SLC14A2: variants seen among roughly 807,000 people sequenced by gnomAD.
SLC14A2 encodes urea transporter 2.
Under a neutral mutation model 104.6 loss-of-function variants are expected in SLC14A2, and 91 were observed. That is an observed-to-expected ratio of 0.87 (90% CI 0.73 to 1.04). SLC14A2 has a LOEUF of 1.04. Ranked by LOEUF, SLC14A2 falls within the 50% of genes least tolerant of loss-of-function variation. The pLI, the probability that SLC14A2 is intolerant of heterozygous loss-of-function variation, is 0.00. For missense variants in SLC14A2, 1,189 were observed against 1,156.0 expected, an observed-to-expected ratio of 1.03 and a Z score of -0.41; for synonymous variants, 476 against 466.4, an observed-to-expected ratio of 1.02 and a Z score of -0.27.
chr18:45,473,319 C>T (rs555317462), intron 1 of SLC14A2, among the ~76,000 whole-genome samples: 26 of 152,304 alleles, frequency 1.7e-4, no homozygotes, highest in Non-Finnish European at 3.2e-4. Flanking sequence ...ATCATGCCTC[C>T]GGCTTTGTTC....
At chr18:45,397,256 G>T (rs1033647210) in intron 1 of SLC14A2, among the ~76,000 whole-genome samples, 12 of 152,122 alleles carry the variant, frequency 7.9e-5, no homozygotes, top group Admixed American at 2.0e-4. Flanking sequence ...TTCCACAATG[G>T]TTGAAGTAAT....
intron 2 of SLC14A2, among the ~76,000 whole-genome samples, chr18:45,593,875 G>C (rs1292978910): frequency 6.6e-6 from 1 of 152,156 alleles, no homozygotes; most frequent in Admixed American, 6.5e-5. Context: ...TTCGAGCTAA[G>C]TAAAAAATAT....
chr18:45,415,140 A>C (rs568560203), intron 1 of SLC14A2, among the ~76,000 whole-genome samples: 7 of 152,206 alleles, frequency 4.6e-5, no homozygotes, highest in African/African-American at 1.4e-4. Flanking sequence ...TGTAGCTACC[A>C]AAAATTTCTT....
chr18:45,190,123 G>T, the SLC14A2 span, among the ~76,000 whole-genome samples: 3 of 152,174 alleles, frequency 2.0e-5, no homozygotes, highest in African/African-American at 7.2e-5. Context: ...CACATTCTCT[G>T]TTTAGCAGAA....
intron 1 of SLC14A2, among the ~76,000 whole-genome samples, chr18:45,224,029 C>T (rs987083417): frequency 6.6e-6 from 1 of 152,204 alleles, no homozygotes; most frequent in Non-Finnish European, 1.5e-5. Flanking sequence ...AGCATGTTTT[C>T]ATCTGGCCTC....
chr18:45,253,042 T>C (rs1350985643), intron 1 of SLC14A2, among the ~76,000 whole-genome samples: 1 of 152,204 alleles, frequency 6.6e-6, no homozygotes, highest in Non-Finnish European at 1.5e-5. Flanking sequence ...AAAGGCTGCA[T>C]CCATCCACCC....
intron 2 of SLC14A2, among the ~76,000 whole-genome samples, chr18:45,490,920 T>G (rs1288918431): frequency 1.3e-5 from 2 of 152,166 alleles, no homozygotes; most frequent in Non-Finnish European, 2.9e-5. Flanking sequence ...AGCAAATAGA[T>G]AGCATTTCAC....
chr18:45,173,326 A>AC, the SLC14A2 span, among the ~76,000 whole-genome samples: 1 of 152,160 alleles, frequency 6.6e-6, no homozygotes, highest in Non-Finnish European at 1.5e-5. Context: ...AACATGAATG[A>AC]GACATCATAT....
rs529836610 is a variant in SLC14A2, at chr18:45,297,883, C to T, written c.-125+84692C>T. On this transcript the variant is annotated intron_variant, in intron 1 of 20. Transcript: ENST00000586448. ...TGGTTTGGCTGCTGGGTATGGGCAT[C>T]ACTCTGAAGGAGAGACTTTACAATC... Among the ~76,000 whole-genome samples, 13 of 152,272 alleles carry T rather than the reference C, an allele frequency of 8.5e-5. No individual in the cohort carries two copies. The South Asian group carries it at 2.5e-3, about 29-fold the overall frequency.
intron 1 of SLC14A2, among the ~76,000 whole-genome samples, chr18:45,475,621 TATATATATATATATATTTAGG>T (rs1470085304): frequency 2.4e-4 from 23 of 95,384 alleles, no homozygotes; most frequent in African/African-American, 2.7e-4. Context: ...ATATTTAGGA[TATATATATATATATATTTAGG>T]ATATATATAT....
At chr18:45,182,645 T>C in the SLC14A2 span, among the ~76,000 whole-genome samples, 1 of 151,900 alleles carries the variant, frequency 6.6e-6, no homozygotes, top group Admixed American at 6.6e-5. Flanking sequence ...GAAACTATTA[T>C]AAAAAACAAG....
intron 2 of SLC14A2, among the ~76,000 whole-genome samples, chr18:45,495,459 A>G (rs1212681907): frequency 6.6e-6 from 1 of 152,202 alleles, no homozygotes; most frequent in African/African-American, 2.4e-5. Flanking sequence ...GTAGACCTCA[A>G]AATGCCACCC....
intron 10 of SLC14A2, among the ~76,000 whole-genome samples, chr18:45,650,313 G>A (rs895924908): frequency 1.9e-4 from 29 of 152,038 alleles, no homozygotes; most frequent in African/African-American, 7.0e-4. Context: ...AGATCCATGT[G>A]TGTTTATGAT....
In SLC14A2 at chr18:45,250,755, C is replaced by CTTTTTTTTTTTTTTTTTTTTTTTT. The variant is rs67864793; in HGVS notation, c.-125+37585_-125+37586insTTTTTTTTTTTTTTTTTTTTTTTT. Among the ~76,000 whole-genome samples, 6 of 93,888 alleles carry CTTTTTTTTTTTTTTTTTTTTTTTT rather than the reference C, an allele frequency of 6.4e-5. 1 individual carries two copies. Among genetic ancestry groups the CTTTTTTTTTTTTTTTTTTTTTTTT allele is most frequent in the African/African-American group, 2.2e-4 (5 of 22,936 alleles). 61.6% of individuals were successfully genotyped at this position (93,888 alleles called of 152,430 possible). A position where few individuals can be genotyped will look rare whatever the true frequency, so the allele number is the denominator to read the frequency against. On this transcript the variant is annotated intron_variant, in intron 1 of 20. Coordinates refer to the SLC14A2 transcript ENST00000586448. ...GAATCCTCTGGCTAGTGGCTTCTTC[C>CTTTTTTTTTTTTTTTTTTTTTTTT]TTTTTTTTTTTTTTTTTTTTTGGCT...
chr18:45,647,891 C>T (rs190925066), intron 10 of SLC14A2: 110 of 151,724 alleles, frequency 7.3e-4, no homozygotes, highest in African/African-American at 2.5e-3. Flanking sequence ...TTGTCAAGTA[C>T]CTGATTGATT....
intron 1 of SLC14A2, among the ~76,000 whole-genome samples, chr18:45,221,028 C>T (rs2084056732): frequency 6.6e-6 from 1 of 152,158 alleles, no homozygotes; most frequent in African/African-American, 2.4e-5. Context: ...AGTCTCATTT[C>T]AATTGAATCA....
At chr18:45,592,704 GC>G (rs1445733244) in intron 2 of SLC14A2, among the ~76,000 whole-genome samples, 9 of 152,216 alleles carry the variant, frequency 5.9e-5, no homozygotes, top group Non-Finnish European at 1.3e-4. Flanking sequence ...GTTCTGTCTG[GC>G]TGTCTCTGGC....
rs191191402 is a variant in SLC14A2 at position 45,425,147 on chromosome 18, A to G, written c.-124-58086A>G. Among the ~76,000 whole-genome samples, 416 of 152,324 alleles carry G rather than the reference A, an allele frequency of 2.7e-3. 3 individuals carry two copies. The highest frequency in any genetic ancestry group is 9.5e-3 in the African/African-American group (396 of 41,570). On this transcript the variant is annotated intron_variant, in intron 1 of 20. Transcript: ENST00000586448. ...TTTCAAGGCACGAATAAAAGTTTTCATAAGAAGCTTCTAAATATGCCATGG... is the reference window on the plus strand; with the variant it reads ...TTTCAAGGCACGAATAAAAGTTTTCGTAAGAAGCTTCTAAATATGCCATGG...
In SLC14A2 at chr18:45,458,192, G is replaced by A. The variant is rs577901556; in HGVS notation, c.-124-25041G>A. ...CCTGCCATCTGCAGCCCCTAGAGTG[G>A]AGCCAACAAAAGCTGGGCAGCACAA... On this transcript the variant is annotated intron_variant, in intron 1 of 20. Transcript: ENST00000586448. Among the ~76,000 whole-genome samples the A allele has an allele frequency of 1.9e-4, 29 of 152,278 alleles. No homozygotes were observed. In the South Asian group the frequency reaches 3.5e-3, roughly 19 times the overall value.
Sources: gnomAD v4.1 joint callset for allele counts (sites outside exome capture counted in the v4.1 genomes callset) on GRCh38, gnomAD v4.1.1 for gene constraint, MANE v1.5 for transcripts, NCBI Gene and HGNC (gene_info 2026-07-23, HGNC 2026-07-21) for gene names.